ERI1: variants seen among roughly 807,000 people sequenced by gnomAD.
ERI1 encodes the protein 3'-5' exoribonuclease 1.
A neutral mutation model predicts 39.7 loss-of-function variants in ERI1; 39 were observed. The ratio of observed to expected loss-of-function variants is 0.98; its 90% CI spans 0.76 to 1.28. ERI1 has a LOEUF of 1.28. ERI1 is among the 50% of genes most tolerant of loss of function. ERI1 has a pLI of 0.00. For synonymous variants in ERI1, 204 were observed against 149.6 expected (o/e 1.36, Z -2.65); for missense variants, 581 against 416.9 (o/e 1.39, Z -3.43).
At chr8:9,016,528 A>C in intron 4 of ERI1, 123 bp downstream of exon 4, 1 of 443,976 alleles carries the variant, frequency 2.3e-6, no homozygotes, top group South Asian at 6.5e-5. Context: ...CTTGGTAAAG[A>C]TCTTTCATGT....
chr8:9,092,126 T>G (rs1016327998), intron 3 of ERI1, among the ~76,000 whole-genome samples: 1 of 152,052 alleles, frequency 6.6e-6, no homozygotes, highest in Non-Finnish European at 1.5e-5. Flanking sequence ...CTGGCTAATT[T>G]TTGTAGTTTT....
chr8:9,075,885 G>A (rs1353974187), intron 3 of ERI1, among the ~76,000 whole-genome samples: 2 of 152,136 alleles, frequency 1.3e-5, no homozygotes, highest in Non-Finnish European at 2.9e-5. Flanking sequence ...CCATCCTCCT[G>A]CCTCAGCCTC....
chr8:9,014,064 G>T (rs186120460), intron 3 of ERI1, among the ~76,000 whole-genome samples: 18 of 152,262 alleles, frequency 1.2e-4, no homozygotes, highest in African/African-American at 4.3e-4. Context: ...TCAAAACCCT[G>T]CAATGGCTCC....
Position 9,020,261 on chromosome 8 carries a change from A to G in ERI1, c.693-89A>G, listed in dbSNP as rs563230068. ...GTTACATTTGAATATGAGAAAGTTG[A>G]CATATATAAATAAATGATTTAAAAT... On this transcript the variant is annotated intron_variant, in intron 5 of 6. Coordinates refer to ENST00000250263, the MANE Select transcript of ERI1 (RefSeq NM_153332.4). 1.2e-5 allele frequency: 7 copies of G among 598,152 alleles called. No homozygotes were observed. In the East Asian group the frequency reaches 1.7e-4, roughly 15 times the overall value. 37.1% of individuals were successfully genotyped at this position (598,152 alleles called of 1,614,324 possible). A position where few individuals can be genotyped will look rare whatever the true frequency, so the allele number is the denominator to read the frequency against.
chr8:9,039,587 G>A (rs902891830), intron 3 of ERI1, among the ~76,000 whole-genome samples: 1 of 152,190 alleles, frequency 6.6e-6, no homozygotes, highest in African/African-American at 2.4e-5. Context: ...TATTTAGGAA[G>A]CAAGTTAGGT....
rs1175754947 is a variant in ERI1 at position 9,030,479 on chromosome 8, A to G, written c.*445A>G. On this transcript the variant is annotated 3_prime_UTR_variant, in exon 7 of 7. Coordinates refer to ENST00000250263, the MANE Select transcript of ERI1 (RefSeq NM_153332.4). ...GATCTTATCTAGCCTTTGGATTTCAAGAATATCATAGTCCTTTTGATTTTC... is the reference window on the plus strand; with the variant it reads ...GATCTTATCTAGCCTTTGGATTTCAGGAATATCATAGTCCTTTTGATTTTC... 1 of 166,440 alleles carries G rather than the reference A, an allele frequency of 6.0e-6. No individual in the cohort carries two copies. Among genetic ancestry groups the G allele is most frequent in the Non-Finnish European group, 1.3e-5 (1 of 74,690 alleles). 10.3% of individuals were successfully genotyped at this position (166,440 alleles called of 1,614,324 possible).
intron 3 of ERI1, among the ~76,000 whole-genome samples, chr8:9,073,969 A>G (rs1040491450): frequency 6.6e-6 from 1 of 152,162 alleles, no homozygotes; most frequent in Admixed American, 6.6e-5. Flanking sequence ...TTTTATCCTT[A>G]CAGAGGAGGT....
intron 3 of ERI1, among the ~76,000 whole-genome samples, chr8:9,097,300 C>G (rs962503111): frequency 6.6e-6 from 1 of 152,090 alleles, no homozygotes; most frequent in Non-Finnish European, 1.5e-5. Context: ...TGTTTTTGTG[C>G]TAGGCATTGC....
intron 6 of ERI1, among the ~76,000 whole-genome samples, chr8:9,023,501 G>A (rs535324471): frequency 3.0e-4 from 46 of 152,130 alleles, no homozygotes; most frequent in Admixed American, 1.8e-3. Flanking sequence ...ATATTATAAG[G>A]CAATAAAATG....
intron 3 of ERI1, among the ~76,000 whole-genome samples, chr8:9,089,959 C>T (rs747487679): frequency 3.9e-5 from 6 of 152,022 alleles, no homozygotes; most frequent in South Asian, 2.1e-4. Flanking sequence ...CTGACTCGAC[C>T]GTTGGCAAAG....
chr8:9,029,013 AG>A (rs1797397754), intron 6 of ERI1, among the ~76,000 whole-genome samples: 1 of 146,370 alleles, frequency 6.8e-6, no homozygotes, highest in Non-Finnish European at 1.5e-5. Context: ...ATCAAGGAAC[AG>A]GTTTTTAAAT....
intron 3 of ERI1, 61 bp from the exon 4 acceptor site, chr8:9,016,261 A>G (rs1447376336): frequency 2.0e-5 from 20 of 1,018,012 alleles, no homozygotes; most frequent in Non-Finnish European, 2.8e-5. Context: ...TTCGTCGTGT[A>G]TCATGTATCG....
intron 1 of ERI1, chr8:9,004,184 TC>T: frequency 7.8e-7 from 1 of 1,288,628 alleles, no homozygotes. Flanking sequence ...CAATTATCTT[TC>T]TCCTTCTAAG....
At chr8:9,018,232 G>A (rs1458193861) in intron 4 of ERI1, 65 bp from the exon 5 acceptor site, 11 of 842,586 alleles carry the variant, frequency 1.3e-5, no homozygotes, top group Non-Finnish European at 2.1e-5. Flanking sequence ...TTAGGTCTGG[G>A]TATTTTGTAG....
intron 3 of ERI1, among the ~76,000 whole-genome samples, chr8:9,055,169 G>C (rs1446191875): frequency 6.6e-6 from 1 of 152,194 alleles, no homozygotes; most frequent in Non-Finnish European, 1.5e-5. Context: ...GAAAACGGAA[G>C]TGAGGCACAG....
rs1797517791 is a variant in ERI1, at chr8:9,030,579, T to C, written c.*545T>C. ...CTTGGTATACATATCTGCCTATGTT[T>C]CTTTTCAACTCATAATTGGAAGAAT... On this transcript the variant is annotated 3_prime_UTR_variant, in exon 7 of 7. Coordinates refer to ENST00000250263, the MANE Select transcript of ERI1 (RefSeq NM_153332.4). 1 of 153,608 alleles carries C rather than the reference T, an allele frequency of 6.5e-6. No individual in the cohort carries two copies. Among genetic ancestry groups the C allele is most frequent in the Admixed American group, 6.4e-5 (1 of 15,624 alleles). 9.5% of individuals were successfully genotyped at this position (153,608 alleles called of 1,614,324 possible).
downstream of ERI1, among the ~76,000 whole-genome samples, chr8:9,034,779 GAAGGCATGTCAAAAGCT>G (rs1267662066): frequency 1.3e-5 from 2 of 152,008 alleles, no homozygotes; most frequent in African/African-American, 4.8e-5. Flanking sequence ...TCTTAAAGAG[GAAGGCATGTCAAAAGCT>G]AAGACGGGCT....
intron 3 of ERI1, among the ~76,000 whole-genome samples, chr8:9,071,995 G>T (rs1241690941): frequency 6.6e-6 from 1 of 152,164 alleles, no homozygotes; most frequent in East Asian, 1.9e-4. Context: ...GAACCTGGGA[G>T]GTCGAGGCTG....
intron 3 of ERI1, among the ~76,000 whole-genome samples, chr8:9,081,275 G>A (rs1318097163): frequency 3.9e-5 from 6 of 152,192 alleles, no homozygotes; most frequent in Admixed American, 3.9e-4. Flanking sequence ...GGGACACAGA[G>A]CCAAACAATA....
Sources: gnomAD v4.1 joint callset for allele counts (sites outside exome capture counted in the v4.1 genomes callset) on GRCh38, gnomAD v4.1.1 for gene constraint, MANE v1.5 for transcripts, NCBI Gene and HGNC (gene_info 2026-07-23, HGNC 2026-07-21) for gene names.